FGGY: variants seen among roughly 807,000 people sequenced by gnomAD.
FGGY encodes the protein FGGY carbohydrate kinase domain containing.
A neutral mutation model predicts 71.3 loss-of-function variants in FGGY; 72 were observed. The ratio of observed to expected loss-of-function variants is 1.01; its 90% CI spans 0.84 to 1.23. The LOEUF (loss-of-function observed/expected upper bound fraction) is 1.23, where lower values mean the gene tolerates loss of function less well. Among genes scored for constraint, FGGY ranks in the 50% most tolerant of loss-of-function variants. The pLI is 0.00. For synonymous variants in FGGY, 251 were observed against 250.3 expected, an observed-to-expected ratio of 1.00 and a Z score of -0.02; for missense variants, 668 against 682.3, an observed-to-expected ratio of 0.98 and a Z score of 0.23.
At chr1:59,367,480 C>G (rs2056781843) in intron 4 of FGGY, among the ~76,000 whole-genome samples, 2 of 152,214 alleles carry the variant, frequency 1.3e-5, no homozygotes, top group South Asian at 2.1e-4. Flanking sequence ...AATGTACAGG[C>G]AGTACTATTT....
intron 5 of FGGY, among the ~76,000 whole-genome samples, chr1:59,440,093 T>G (rs1167964558): frequency 1.9e-5 from 1 of 52,630 alleles, no homozygotes; most frequent in African/African-American, 7.6e-5. Flanking sequence ...TTTGCAAGGT[T>G]CAAAAAAAAA....
At chr1:59,503,619 A>AT (rs1558148270) in intron 6 of FGGY, among the ~76,000 whole-genome samples, 19 of 145,662 alleles carry the variant, frequency 1.3e-4, no homozygotes, top group African/African-American at 3.6e-4. Flanking sequence ...ATATATATAT[A>AT]AAATATGTAT....
chr1:59,537,269 A>T (rs1224534059), intron 7 of FGGY, among the ~76,000 whole-genome samples: 9 of 152,114 alleles, frequency 5.9e-5, no homozygotes, highest in Non-Finnish European at 1.3e-4. Context: ...AGAATAAAAT[A>T]GCTAGGAATC....
At chr1:59,420,983 A>G (rs1251450828) in intron 5 of FGGY, among the ~76,000 whole-genome samples, 1 of 152,152 alleles carries the variant, frequency 6.6e-6, no homozygotes, top group Non-Finnish European at 1.5e-5. Flanking sequence ...CTGTTTTTGA[A>G]AAATCCAGTG....
intron 4 of FGGY, among the ~76,000 whole-genome samples, chr1:59,371,091 A>G (rs1210426960): frequency 2.0e-5 from 3 of 152,214 alleles, no homozygotes; most frequent in Non-Finnish European, 4.4e-5. Flanking sequence ...TAAGTGCTCC[A>G]ATTAAAAGAC....
At chr1:59,447,424 A>C (rs2071541308) in intron 5 of FGGY, among the ~76,000 whole-genome samples, 1 of 152,164 alleles carries the variant, frequency 6.6e-6, no homozygotes, top group African/African-American at 2.4e-5. Flanking sequence ...CTGGCCTGCA[A>C]AAAAGCAGAT....
chr1:59,734,393 C>A (rs1472749068), intron 14 of FGGY, among the ~76,000 whole-genome samples: 1 of 152,064 alleles, frequency 6.6e-6, no homozygotes, highest in Non-Finnish European at 1.5e-5. Flanking sequence ...TTTGTAGAGA[C>A]GGGGTTTTGC....
At chr1:59,314,812 A>G (rs1279808482) in intron 1 of FGGY, among the ~76,000 whole-genome samples, 1 of 152,246 alleles carries the variant, frequency 6.6e-6, no homozygotes, top group Non-Finnish European at 1.5e-5. Context: ...TGGATAAGAT[A>G]GACGCAGCTT....
At chr1:59,761,039 G>A (rs1188581599) in intron 15 of FGGY, among the ~76,000 whole-genome samples, 8 of 152,102 alleles carry the variant, frequency 5.3e-5, no homozygotes, top group Admixed American at 4.6e-4. Context: ...TTAGTAACTA[G>A]CATTTATATC....
rs1002359094 is a variant in FGGY, at chr1:59,370,249, G to A, written c.466-8500G>A. Among the ~76,000 whole-genome samples, 13 of 152,282 alleles carry A rather than the reference G, an allele frequency of 8.5e-5. No individual in the cohort carries two copies. In the East Asian group the frequency reaches 1.7e-3, roughly 20 times the overall value. The stretch of plus-strand genomic sequence containing the variant: ...CTGATGGAGCTGAAAGCCAAGGCTC[G>A]AGAACCACGTGAAGAATGCAGAAGC... On this transcript the variant is annotated intron_variant, in intron 4 of 15. Transcript: ENST00000303721.
intron 4 of FGGY, among the ~76,000 whole-genome samples, chr1:59,348,274 T>C (rs926251803): frequency 4.6e-5 from 7 of 152,200 alleles, no homozygotes; most frequent in Non-Finnish European, 7.3e-5. Context: ...TTTGCTGTTC[T>C]GTACACTTTT....
chr1:59,539,305 A>T (rs2095402770), intron 7 of FGGY, among the ~76,000 whole-genome samples: 1 of 152,224 alleles, frequency 6.6e-6, no homozygotes. Flanking sequence ...AAGGATCAAT[A>T]ATAAGACAGT....
chr1:59,386,204 A>G (rs1202179025), intron 5 of FGGY, among the ~76,000 whole-genome samples: 3 of 152,100 alleles, frequency 2.0e-5, no homozygotes, highest in Non-Finnish European at 4.4e-5. Context: ...GTTTTTACCT[A>G]ATGGCCTTTT....
intron 5 of FGGY, among the ~76,000 whole-genome samples, chr1:59,448,365 AT>A (rs925634764): frequency 3.9e-5 from 6 of 152,092 alleles, no homozygotes; most frequent in Non-Finnish European, 8.8e-5. Flanking sequence ...TCTGGCATGC[AT>A]TTGTGTCTTG....
At chr1:59,358,787 A>T (rs778154923) in intron 4 of FGGY, among the ~76,000 whole-genome samples, 1 of 152,240 alleles carries the variant, frequency 6.6e-6, no homozygotes, top group Admixed American at 6.5e-5. Context: ...TGCTATCTAC[A>T]TACATGGCCA....
At chr1:59,572,993 T>A (rs2153736514) in intron 8 of FGGY, among the ~76,000 whole-genome samples, 1 of 152,308 alleles carries the variant, frequency 6.6e-6, no homozygotes, top group South Asian at 2.1e-4. Flanking sequence ...CGATATTGCT[T>A]TGGTAGTAAT....
intron 7 of FGGY, among the ~76,000 whole-genome samples, chr1:59,537,380 C>G (rs189542096): frequency 2.0e-5 from 3 of 152,182 alleles, no homozygotes; most frequent in Admixed American, 1.3e-4. Flanking sequence ...ATTCCATGCT[C>G]GTGGATAGGA....
rs191712003 is a variant in FGGY at position 59,300,376 on chromosome 1, T to G, written c.-15+3226T>G. ...TTATTGAGCTTTGAGAATTCTTTAT[T>G]CTTATCATAAGTTCTTTATCACGTG... On this transcript the variant is annotated intron_variant, in intron 1 of 15. Coordinates refer to ENST00000303721, the MANE Select transcript of FGGY (RefSeq NM_018291.5). 3.5e-4 allele frequency among the ~76,000 whole-genome samples: 54 copies of G among 152,336 alleles called. 1 individual carries two copies. Among genetic ancestry groups the G allele is most frequent in the Admixed American group, 1.0e-3 (16 of 15,302 alleles).
chr1:59,693,149 G>C (rs1340094893), intron 14 of FGGY, among the ~76,000 whole-genome samples: 3 of 152,238 alleles, frequency 2.0e-5, no homozygotes, highest in Admixed American at 2.0e-4. Context: ...GAAGTGCTTA[G>C]TAAACTATAA....
Sources: allele counts gnomAD v4.1 joint callset (sites outside exome capture counted in the v4.1 genomes callset), GRCh38; gene constraint gnomAD v4.1.1; transcripts MANE v1.5; gene names NCBI Gene and HGNC (gene_info 2026-07-23, HGNC 2026-07-21).